The following TRIO variants were observed in gnomAD, a reference collection of about 807,000 sequenced individuals.
TRIO encodes triple functional domain protein.
In TRIO, 58 loss-of-function variants were observed where a neutral mutation model predicts 351.9. The ratio of observed to expected loss-of-function variants is 0.16; its 90% CI spans 0.13 to 0.21. The LOEUF is 0.21. Among genes scored for constraint, TRIO ranks in the 10% least tolerant of loss-of-function variants. The pLI, the probability that TRIO is intolerant of heterozygous loss-of-function variation, is 1.00. For synonymous variants in TRIO, 1,758 were observed against 1,595.7 expected, an observed-to-expected ratio of 1.10 and a Z score of -2.42; for missense variants, 3,201 against 4,027.8, an observed-to-expected ratio of 0.79 and a Z score of 5.56.
At chr5:14,299,921 G>T (rs1039798499) in intron 7 of TRIO, among the ~76,000 whole-genome samples, 14 of 152,246 alleles carry the variant, frequency 9.2e-5, no homozygotes, top group African/African-American at 3.4e-4. Context: ...TCCATGGGTG[G>T]TGGTGTGCTA....
intron 1 of TRIO, among the ~76,000 whole-genome samples, chr5:14,227,335 C>T (rs554065164): frequency 6.6e-6 from 1 of 152,112 alleles, no homozygotes; most frequent in Non-Finnish European, 1.5e-5. Context: ...TGGAAAAACT[C>T]GACGTTTGTG....
intron 23 of TRIO, among the ~76,000 whole-genome samples, 157 bp from the exon 24 acceptor site, chr5:14,388,456 C>T (rs1408582665): frequency 1.3e-5 from 2 of 152,118 alleles, no homozygotes; most frequent in African/African-American, 2.4e-5. Context: ...TTTGAATTAG[C>T]GGGTGGATAC....
At chr5:14,406,955 T>TCTGC (rs1442209178) in intron 33 of TRIO, among the ~76,000 whole-genome samples, 13 of 152,140 alleles carry the variant, frequency 8.5e-5, no homozygotes, top group Non-Finnish European at 1.6e-4. Context: ...TACTTAGACT[T>TCTGC]TTTAATCTTA....
chr5:14,340,358 C>G (rs888785027), intron 11 of TRIO, among the ~76,000 whole-genome samples: 6 of 147,118 alleles, frequency 4.1e-5, no homozygotes, highest in African/African-American at 1.5e-4. Flanking sequence ...GATTGTGCCA[C>G]TGCACTCCAG....
At chr5:14,490,766 C>T (rs1156426282) in intron 48 of TRIO, 1 of 455,310 alleles carries the variant, frequency 2.2e-6, no homozygotes, top group Non-Finnish European at 4.4e-6. Context: ...TAGCAAAATA[C>T]TCTAATTATG....
At chr5:14,498,701 C>A (rs578261796) in intron 53 of TRIO, 61 bp downstream of exon 53, 185 of 1,591,024 alleles carry the variant, frequency 1.2e-4, no homozygotes, top group Non-Finnish European at 1.5e-4. Flanking sequence ...CAGGAGTCTC[C>A]TTAAGTCCTG....
intron 11 of TRIO, among the ~76,000 whole-genome samples, chr5:14,346,809 A>G (rs560749013): frequency 6.6e-6 from 1 of 152,364 alleles, no homozygotes; most frequent in Non-Finnish European, 1.5e-5. Flanking sequence ...TTGAATGGCT[A>G]TAATAAAAGA....
At chr5:14,297,007 T>G in intron 6 of TRIO, 65 bp from the exon 7 acceptor site, 4 of 1,482,106 alleles carry the variant, frequency 2.7e-6, no homozygotes, top group Non-Finnish European at 3.7e-6. Context: ...GCATCTGGGC[T>G]TCTTAGAAGG....
At chr5:14,491,341 G>A (rs538390932) in intron 48 of TRIO, among the ~76,000 whole-genome samples, 10 of 152,322 alleles carry the variant, frequency 6.6e-5, no homozygotes, top group East Asian at 5.8e-4. Flanking sequence ...TGCCCAGGGC[G>A]TCGGAGAGCC....
chr5:14,339,416 T>A (rs1474592321), intron 11 of TRIO, among the ~76,000 whole-genome samples: 1 of 152,230 alleles, frequency 6.6e-6, no homozygotes, highest in Non-Finnish European at 1.5e-5. Flanking sequence ...TTTCATTGAC[T>A]TACACAATAG....
rs1039428450 is a variant in TRIO, at chr5:14,506,984, C to T, written c.8613-138C>T. 36 of 1,210,422 alleles carry T rather than the reference C, an allele frequency of 3.0e-5. No homozygotes were observed. The Admixed American group carries it at 3.0e-4, about 10-fold the overall frequency. The allele number at this position is 1,210,422 out of a possible 1,614,324, so 75.0% of individuals were successfully genotyped here. On this transcript the variant is annotated intron_variant, in intron 55 of 56. Coordinates refer to ENST00000344204, the MANE Select transcript of TRIO (RefSeq NM_007118.4). ...CAAAATCCCCCTCCTTGTCTAGTCACGCCTTAGAGGCACGGCCCTGAGATC... is the reference window on the plus strand; with the variant it reads ...CAAAATCCCCCTCCTTGTCTAGTCATGCCTTAGAGGCACGGCCCTGAGATC...
At chr5:14,223,759 T>G (rs561320526) in intron 1 of TRIO, among the ~76,000 whole-genome samples, 21 of 152,336 alleles carry the variant, frequency 1.4e-4, no homozygotes, top group African/African-American at 4.6e-4. Flanking sequence ...CATCTCCCTT[T>G]GGCACATGTG....
intron 54 of TRIO, 34 bp from the exon 55 acceptor site, chr5:14,504,359 C>G (rs760606623): frequency 1.3e-5 from 21 of 1,609,862 alleles, no homozygotes; most frequent in Non-Finnish European, 1.8e-5. Flanking sequence ...ACCTCAGCAG[C>G]CTCTGCAAAT....
intron 33 of TRIO, 118 bp from the exon 34 acceptor site, chr5:14,419,660 C>T: frequency 7.3e-7 from 1 of 1,377,508 alleles, no homozygotes; most frequent in Non-Finnish European, 9.9e-7. Context: ...AACCTCGGAG[C>T]ACTCAGCTCA....
chr5:14,197,582 G>T (rs377312901), intron 1 of TRIO, among the ~76,000 whole-genome samples: 2 of 152,308 alleles, frequency 1.3e-5, no homozygotes, highest in East Asian at 1.9e-4. Flanking sequence ...AACAGTAGTA[G>T]TTATTTGCCA....
chr5:14,472,557 C>A (rs1357319866), intron 38 of TRIO, 35 bp from the exon 39 acceptor site: 1 of 1,611,118 alleles, frequency 6.2e-7, no homozygotes, highest in South Asian at 1.1e-5. Flanking sequence ...ATTTAGAAAA[C>A]AGTTTGCATG....
chr5:14,464,645 T>C (rs538855244), intron 36 of TRIO, among the ~76,000 whole-genome samples: 1 of 152,306 alleles, frequency 6.6e-6, no homozygotes, highest in South Asian at 2.1e-4. Flanking sequence ...AAAGTGCATA[T>C]TTTGACCCAC....
chr5:14,406,815 T>A, intron 33 of TRIO, 143 bp downstream of exon 33: 1 of 762,322 alleles, frequency 1.3e-6, no homozygotes, highest in Non-Finnish European at 2.1e-6. Flanking sequence ...CAGGATCCCG[T>A]GGTGGGGCAG....
intron 11 of TRIO, among the ~76,000 whole-genome samples, chr5:14,349,139 C>T (rs1379915556): frequency 1.7e-5 from 2 of 116,140 alleles, no homozygotes; most frequent in African/African-American, 3.4e-5. Flanking sequence ...CATGTTTTTC[C>T]TGCGTGTTTG....
Sources: allele counts gnomAD v4.1 joint callset (sites outside exome capture counted in the v4.1 genomes callset), GRCh38; gene constraint gnomAD v4.1.1; transcripts MANE v1.5; gene names NCBI Gene and HGNC (gene_info 2026-07-23, HGNC 2026-07-21).